ADAMTSL3: variants seen among roughly 807,000 people sequenced by gnomAD.
The protein encoded by ADAMTSL3 is ADAMTS like 3.
A neutral mutation model predicts 201.7 loss-of-function variants in ADAMTSL3; 128 were observed. That is an observed-to-expected ratio of 0.63 (90% CI 0.55 to 0.73). ADAMTSL3 has a LOEUF of 0.73. Among genes scored for constraint, ADAMTSL3 ranks in the 30% least tolerant of loss-of-function variants. ADAMTSL3 has a pLI of 0.00. For missense variants in ADAMTSL3, 1,990 were observed against 2,119.6 expected (o/e 0.94, Z 1.20); for synonymous variants, 738 against 748.4 (o/e 0.99, Z 0.23).
Position 83,982,377 on chromosome 15 carries a change from A to T in ADAMTSL3, c.2749A>T (p.Thr917Ser). ...QTREEKRINLTIGSRAYLLPN... is the reference protein window; with the variant it reads ...QTREEKRINLSIGSRAYLLPN... ...AAGGGAAGAGAAGCGTATTAACCTG[A>T]CCATTGGTAGCAGAGCCTATTTGCT... Residue 917 changes from threonine (T) to serine (S), a missense_variant, in exon 21 of 30, where the codon ACC (threonine) becomes TCC (serine). Thr to Ser is a moderately conservative substitution (Grantham distance 58). Transcript: ENST00000286744. The T allele has an allele frequency of 6.2e-7, 1 of 1,614,124 alleles. No homozygotes were observed. The highest frequency in any genetic ancestry group is 1.1e-5 in the South Asian group (1 of 91,074).
intron 7 of ADAMTSL3, among the ~76,000 whole-genome samples, chr15:83,852,321 C>T (rs2064633522): frequency 6.6e-6 from 1 of 152,124 alleles, no homozygotes; most frequent in African/African-American, 2.4e-5. Flanking sequence ...ACCATGTTGG[C>T]CAGGCTGGTC....
At chr15:83,948,411 T>TACACACACACAC (rs72124987) in intron 19 of ADAMTSL3, among the ~76,000 whole-genome samples, 1,975 of 145,688 alleles carry the variant, frequency 0.014, 25 homozygotes, top group Non-Finnish European at 0.016. Flanking sequence ...AAAGCTTATT[T>TACACACACACAC]ACACACACAC....
chr15:83,801,692 A>ATATGTATG (rs541853309), intron 4 of ADAMTSL3, among the ~76,000 whole-genome samples: 15 of 86,210 alleles, frequency 1.7e-4, no homozygotes, highest in African/African-American at 5.8e-4. Context: ...ATATATATAT[A>ATATGTATG]TATGTATGTA....
At chr15:83,730,497 A>G (rs755656418) in intron 3 of ADAMTSL3, among the ~76,000 whole-genome samples, 1 of 152,116 alleles carries the variant, frequency 6.6e-6, no homozygotes, top group South Asian at 2.1e-4. Context: ...GGAAAGAGGT[A>G]AAAAACGGAG....
At chr15:83,793,459 GTGTTGT>G (rs57822593) in intron 4 of ADAMTSL3, among the ~76,000 whole-genome samples, 221 of 150,622 alleles carry the variant, frequency 1.5e-3, no homozygotes, top group African/African-American at 4.5e-3. Flanking sequence ...ATCTGTTGGT[GTGTTGT>G]TGTTGTTGTT....
chr15:83,942,632 C>G lies in ADAMTSL3; in HGVS notation c.2154C>G (p.Thr718=). Residue 718 remains threonine (T), a synonymous_variant, in exon 18 of 30, where the codon ACC becomes ACG. Transcript: ENST00000286744. ...HVGSWGPCSA[T]CGVGIQTRDV... is the part of the protein sequence containing the mutation. ...GCTCTTGGGGGCCCTGCTCAGCTAC[C>G]TGTGGAGTTGGAATTCAGACCCGAG... The G allele has an allele frequency of 6.2e-7, 1 of 1,613,914 alleles. No individual in the cohort carries two copies. Among genetic ancestry groups the G allele is most frequent in the Non-Finnish European group, 8.5e-7 (1 of 1,179,952 alleles).
intron 3 of ADAMTSL3, among the ~76,000 whole-genome samples, chr15:83,717,877 C>T (rs767735037): frequency 9.2e-5 from 14 of 152,064 alleles, no homozygotes; most frequent in Non-Finnish European, 1.8e-4. Context: ...TTGATGGTAG[C>T]ATTGGACTTG....
intron 25 of ADAMTSL3, among the ~76,000 whole-genome samples, chr15:84,017,690 A>G (rs2068112959): frequency 6.6e-6 from 1 of 152,242 alleles, no homozygotes; most frequent in Non-Finnish European, 1.5e-5. Context: ...TAGTATTTGT[A>G]TGACACATTT....
chr15:83,656,131 A>G (rs982803976), intron 2 of ADAMTSL3, among the ~76,000 whole-genome samples: 8 of 152,170 alleles, frequency 5.3e-5, no homozygotes, highest in African/African-American at 1.9e-4. Context: ...GGCTGTCTGC[A>G]TGTGCCCAGC....
chr15:83,725,430 G>A (rs1375734226), intron 3 of ADAMTSL3, among the ~76,000 whole-genome samples: 3 of 152,128 alleles, frequency 2.0e-5, no homozygotes, highest in African/African-American at 4.8e-5. Flanking sequence ...TTTTGCTTTG[G>A]TTGCCTGCAC....
At chr15:83,782,832 T>C (rs944974935) in intron 4 of ADAMTSL3, among the ~76,000 whole-genome samples, 1 of 151,488 alleles carries the variant, frequency 6.6e-6, no homozygotes, top group Non-Finnish European at 1.5e-5. Flanking sequence ...TGGGAAAAGT[T>C]TACCTATATA....
At chr15:83,828,473 C>T (rs1393015141) in intron 6 of ADAMTSL3, among the ~76,000 whole-genome samples, 1 of 152,182 alleles carries the variant, frequency 6.6e-6, no homozygotes. Context: ...CATCTGCAGA[C>T]AGGGACAATT....
chr15:83,941,019 G>A (rs980595448), intron 17 of ADAMTSL3, among the ~76,000 whole-genome samples: 2 of 151,864 alleles, frequency 1.3e-5, no homozygotes, highest in Non-Finnish European at 2.9e-5. Flanking sequence ...TCTTATTAAT[G>A]TCTGCCTTGT....
At chr15:83,742,331 C>T (rs935620799) in intron 3 of ADAMTSL3, among the ~76,000 whole-genome samples, 1 of 152,050 alleles carries the variant, frequency 6.6e-6, no homozygotes, top group African/African-American at 2.4e-5. Context: ...TAACCTTAGG[C>T]TTACAGCCTA....
rs1396062603 is a variant in ADAMTSL3, at chr15:83,858,902, C to A, written c.802+62C>A. 10 of 1,364,162 alleles carry A rather than the reference C, an allele frequency of 7.3e-6. No homozygotes were observed. The South Asian group carries it at 1.3e-4, about 18-fold the overall frequency. 84.5% of individuals were successfully genotyped at this position (1,364,162 alleles called of 1,614,324 possible). On this transcript the variant is annotated intron_variant, in intron 8 of 29. Transcript: ENST00000286744. ...TGAAAGTTTAGTTAGCCAAAAAAAA[C>A]AAAAAACAAAAAACCCACAAACCAA...
Position 83,889,977 on chromosome 15 carries a change from T to C in ADAMTSL3, c.1073-132T>C, listed in dbSNP as rs796882008. The C allele has an allele frequency of 1.2e-5, 11 of 940,228 alleles. No homozygotes were observed. In the Admixed American group the frequency reaches 1.2e-4, roughly 11 times the overall value. 58.2% of individuals were successfully genotyped at this position (940,228 alleles called of 1,614,324 possible). A position where few individuals can be genotyped will look rare whatever the true frequency, so the allele number is the denominator to read the frequency against. On this transcript the variant is annotated intron_variant, in intron 10 of 29. Transcript: ENST00000286744. Reference sequence around the variant, plus strand: ...TAAAAGCTCCCATGTGGTTCTGTTATAGAGCCAGGGTTGAGAACCACTGAG... The same window carrying C: ...TAAAAGCTCCCATGTGGTTCTGTTACAGAGCCAGGGTTGAGAACCACTGAG...
intron 15 of ADAMTSL3, among the ~76,000 whole-genome samples, chr15:83,907,310 A>G (rs888833312): frequency 1.3e-5 from 2 of 152,150 alleles, no homozygotes; most frequent in African/African-American, 4.8e-5. Flanking sequence ...ACTCAAACCT[A>G]TATAATTTTT....
At chr15:83,891,841 G>T (rs1341570357) in intron 12 of ADAMTSL3, among the ~76,000 whole-genome samples, 1 of 152,220 alleles carries the variant, frequency 6.6e-6, no homozygotes, top group Non-Finnish European at 1.5e-5. Context: ...AATAGGGAAG[G>T]TATATTATTC....
chr15:83,832,773 A>G (rs934107068), intron 6 of ADAMTSL3, among the ~76,000 whole-genome samples: 2 of 152,192 alleles, frequency 1.3e-5, no homozygotes, highest in African/African-American at 4.8e-5. Flanking sequence ...TCTCATTTAA[A>G]TGAACATGTC....
Sources: allele counts gnomAD v4.1 joint callset (sites outside exome capture counted in the v4.1 genomes callset), GRCh38; gene constraint gnomAD v4.1.1; transcripts MANE v1.5; gene names NCBI Gene and HGNC (gene_info 2026-07-23, HGNC 2026-07-21).